ITGB6: variants seen among roughly 807,000 people sequenced by gnomAD.
ITGB6 encodes the protein integrin subunit beta 6.
Under a neutral mutation model 84.5 loss-of-function variants are expected in ITGB6, and 80 were observed. The observed-to-expected ratio is 0.95, with a 90% CI of 0.79 to 1.14. The LOEUF is 1.14. Ranked by LOEUF, ITGB6 falls within the 50% of genes most tolerant of loss-of-function variation. The probability of loss-of-function intolerance (pLI) is 0.00; values close to 1 mark genes in which losing one functional copy is unlikely to be tolerated. For missense variants in ITGB6, 1,006 were observed against 968.0 expected, an observed-to-expected ratio of 1.04 and a Z score of -0.52; for synonymous variants, 383 against 354.9, an observed-to-expected ratio of 1.08 and a Z score of -0.89.
At chr2:160,126,273 C>A in intron 11 of ITGB6, 106 bp downstream of exon 11, 1 of 1,048,184 alleles carries the variant, frequency 9.5e-7, no homozygotes, top group Non-Finnish European at 1.4e-6. Context: ...TGTTTGGAGA[C>A]CAAACCAGCA....
chr2:160,129,202 T>A (rs1683357422), intron 10 of ITGB6, among the ~76,000 whole-genome samples: 1 of 152,058 alleles, frequency 6.6e-6, no homozygotes, highest in Non-Finnish European at 1.5e-5. Context: ...AAGAGCCCCT[T>A]TGATATGGCC....
At chr2:160,113,232 CT>C (rs1403876365) in intron 12 of ITGB6, among the ~76,000 whole-genome samples, 1 of 152,176 alleles carries the variant, frequency 6.6e-6, no homozygotes, top group African/African-American at 2.4e-5. Flanking sequence ...GACTTATAAC[CT>C]CTCCCATTAG....
chr2:160,110,532 G>A (rs1682451195), intron 13 of ITGB6, among the ~76,000 whole-genome samples: 1 of 152,248 alleles, frequency 6.6e-6, no homozygotes, highest in African/African-American at 2.4e-5. Flanking sequence ...GTACTTTCCA[G>A]CCAGGAAGCC....
intron 13 of ITGB6, among the ~76,000 whole-genome samples, chr2:160,111,511 C>T (rs1397270947): frequency 6.6e-6 from 1 of 151,604 alleles, no homozygotes; most frequent in South Asian, 2.1e-4. Context: ...CAGGGGCACT[C>T]GGCATACCTG....
intron 10 of ITGB6, among the ~76,000 whole-genome samples, chr2:160,128,369 G>T (rs1182545255): frequency 6.6e-6 from 1 of 151,904 alleles, no homozygotes; most frequent in Non-Finnish European, 1.5e-5. Context: ...TACAGCCAAA[G>T]TTGCATATGG....
At chr2:160,131,599 T>C (rs1004591209) in intron 10 of ITGB6, among the ~76,000 whole-genome samples, 1 of 152,212 alleles carries the variant, frequency 6.6e-6, no homozygotes, top group African/African-American at 2.4e-5. Flanking sequence ...TAACCATTTG[T>C]TATAAATGCA....
chr2:160,150,263 C>G (rs1684362312), intron 7 of ITGB6, among the ~76,000 whole-genome samples: 1 of 152,178 alleles, frequency 6.6e-6, no homozygotes, highest in Admixed American at 6.5e-5. Context: ...GATCTCTCGG[C>G]AGAAACCCTA....
At chr2:160,191,118 G>C (rs543041073) in intron 4 of ITGB6, among the ~76,000 whole-genome samples, 1 of 152,188 alleles carries the variant, frequency 6.6e-6, no homozygotes, top group South Asian at 2.1e-4. Context: ...AGATAGTTAA[G>C]AGGTTGTTAG....
chr2:160,127,211 T>A (rs1200145577), intron 10 of ITGB6, among the ~76,000 whole-genome samples: 1 of 152,228 alleles, frequency 6.6e-6, no homozygotes, highest in Non-Finnish European at 1.5e-5. Flanking sequence ...GAGAATCCCC[T>A]TTTCTTTCCA....
chr2:160,195,008 G>A (rs78702982), intron 4 of ITGB6, among the ~76,000 whole-genome samples: 7,997 of 152,306 alleles, frequency 0.053, 274 homozygotes, highest in Non-Finnish European at 0.078. Flanking sequence ...AATAACCTCA[G>A]AAAGTGGTGG....
intron 10 of ITGB6, among the ~76,000 whole-genome samples, chr2:160,134,683 T>C (rs751803954): frequency 2.6e-5 from 4 of 152,158 alleles, no homozygotes; most frequent in African/African-American, 9.7e-5. Context: ...CGAATCCAGC[T>C]GCACATCAAA....
chr2:160,108,283 T>C (rs1696991764), intron 13 of ITGB6, among the ~76,000 whole-genome samples: 1 of 151,002 alleles, frequency 6.6e-6, no homozygotes, highest in African/African-American at 2.4e-5. Flanking sequence ...TTCATGGACC[T>C]TCTTGAATCA....
At chr2:160,184,279 A>G (rs1239736229) in intron 4 of ITGB6, among the ~76,000 whole-genome samples, 1 of 152,228 alleles carries the variant, frequency 6.6e-6, no homozygotes, top group Non-Finnish European at 1.5e-5. Context: ...AGACACAATA[A>G]AAAATGATAA....
intron 13 of ITGB6, among the ~76,000 whole-genome samples, chr2:160,108,483 A>G (rs1364610143): frequency 6.6e-6 from 1 of 152,190 alleles, no homozygotes; most frequent in African/African-American, 2.4e-5. Flanking sequence ...TTCAATTCCC[A>G]TCTGATGTAC....
Position 160,191,879 on chromosome 2 carries a change from G to A in ITGB6, c.593+3490C>T, listed in dbSNP as rs577729321. Among the ~76,000 whole-genome samples, 15 of 152,002 alleles carry A rather than the reference G, an allele frequency of 9.9e-5. No individual in the cohort carries two copies. The Middle Eastern group carries it at 0.01, about 103-fold the overall frequency. On this transcript the variant is annotated intron_variant, in intron 4 of 14. Coordinates refer to ENST00000283249, the MANE Select transcript of ITGB6 (RefSeq NM_000888.5). ...TCTACATGTTATCCACAAAGAATTC[G>A]AAAATAAAAATGTTAAACGTCCCTA...
At chr2:160,147,826 A>G (rs1358742990) in intron 7 of ITGB6, among the ~76,000 whole-genome samples, 1 of 152,246 alleles carries the variant, frequency 6.6e-6, no homozygotes, top group Non-Finnish European at 1.5e-5. Context: ...TTAGCTCAAA[A>G]TGATCACAGA....
intron 4 of ITGB6, among the ~76,000 whole-genome samples, chr2:160,186,053 A>G (rs1310560971): frequency 6.6e-6 from 1 of 152,230 alleles, no homozygotes; most frequent in African/African-American, 2.4e-5. Context: ...TTCAGAACAT[A>G]GGCATGGGCA....
chr2:160,188,070 TTTATAGG>T (rs1685974386), intron 4 of ITGB6, among the ~76,000 whole-genome samples: 1 of 152,176 alleles, frequency 6.6e-6, no homozygotes, highest in Non-Finnish European at 1.5e-5. Flanking sequence ...ATTATTCCCG[TTTATAGG>T]TAATGAGACT....
chr2:160,158,595 G>A (rs1684709842), intron 7 of ITGB6, among the ~76,000 whole-genome samples: 1 of 152,198 alleles, frequency 6.6e-6, no homozygotes, highest in Non-Finnish European at 1.5e-5. Context: ...AAAATAGGAA[G>A]TGATGTGGGG....
Sources: gnomAD v4.1 joint callset for allele counts (sites outside exome capture counted in the v4.1 genomes callset) on GRCh38, gnomAD v4.1.1 for gene constraint, MANE v1.5 for transcripts, NCBI Gene and HGNC (gene_info 2026-07-23, HGNC 2026-07-21) for gene names.